Variants in CORO1C observed in about 807,000 individuals in gnomAD.
CORO1C encodes the protein coronin 1C.
A neutral mutation model predicts 51.2 loss-of-function variants in CORO1C; 14 were observed. The ratio of observed to expected loss-of-function variants is 0.27; its 90% CI spans 0.18 to 0.43. The LOEUF (loss-of-function observed/expected upper bound fraction) is 0.43, where lower values mean the gene tolerates loss of function less well. Among genes scored for constraint, CORO1C ranks in the 20% least tolerant of loss-of-function variants. The pLI, the probability that CORO1C is intolerant of heterozygous loss-of-function variation, is 1.00. For missense variants in CORO1C, 417 were observed against 607.8 expected, an observed-to-expected ratio of 0.69 and a Z score of 3.30; for synonymous variants, 181 against 210.5, an observed-to-expected ratio of 0.86 and a Z score of 1.21.
Position 108,648,814 on chromosome 12 carries a change from C to A in CORO1C, c.1096G>T (p.Ala366Ser), listed in dbSNP as rs758701110. Residue 366 changes from alanine to serine, a missense_variant, in exon 10 of 11, where the codon GCG (alanine) becomes TCG (serine). Coordinates refer to ENST00000261401, the MANE Select transcript of CORO1C (RefSeq NM_014325.4). ...GCCTCCAGCGCGGCCTCTGGCCCCG[C>A]TGTGTCAGGATACAGGTCATCTTGG... ...LFQDDLYPDTAGPEAALEAEE... is the reference protein window; with the variant it reads ...LFQDDLYPDTSGPEAALEAEE... The A allele has an allele frequency of 1.2e-6, 2 of 1,614,228 alleles. No individual in the cohort carries two copies. The highest frequency in any genetic ancestry group is 2.7e-5 in the African/African-American group (2 of 75,062).
chr12:108,689,667 G>A (rs539377717), intron 2 of CORO1C, among the ~76,000 whole-genome samples: 13 of 152,338 alleles, frequency 8.5e-5, no homozygotes, highest in South Asian at 2.1e-4. Flanking sequence ...TCCTGGGGAA[G>A]GCAAACAAAG....
chr12:108,665,362 GCAC>G (rs1201762379), intron 3 of CORO1C, among the ~76,000 whole-genome samples: 1 of 152,114 alleles, frequency 6.6e-6, no homozygotes, highest in Non-Finnish European at 1.5e-5. Context: ...CATAAGACAA[GCAC>G]CTAAGCCATT....
intron 3 of CORO1C, among the ~76,000 whole-genome samples, 166 bp from the exon 4 acceptor site, chr12:108,662,324 T>G (rs926767929): frequency 9.2e-5 from 14 of 152,082 alleles, no homozygotes; most frequent in African/African-American, 1.9e-4. Flanking sequence ...GCGGTTTTTT[T>G]TTTGTTTGTT....
chr12:108,665,197 T>C (rs1005209187), intron 3 of CORO1C, among the ~76,000 whole-genome samples: 1 of 152,234 alleles, frequency 6.6e-6, no homozygotes, highest in Non-Finnish European at 1.5e-5. Flanking sequence ...AACCTTTTCC[T>C]TTCTCTAGCT....
chr12:108,712,294 C>T lies in CORO1C; in HGVS notation c.-5-10971G>A, dbSNP rs547839323. The stretch of plus-strand genomic sequence containing the variant: ...AAATTCCTTTTAAGAAGATGGAGGC[C>T]GGGCAGGGCGGCTCACACCTGTAAA... On this transcript the variant is annotated intron_variant, in intron 1 of 10. Transcript: ENST00000261401. Among the ~76,000 whole-genome samples, 227 of 152,126 alleles carry T rather than the reference C, an allele frequency of 1.5e-3. 1 individual carries two copies. Among genetic ancestry groups the T allele is most frequent in the Non-Finnish European group, 1.5e-3 (103 of 67,994 alleles).
Position 108,715,642 on chromosome 12 carries a change from C to A in CORO1C, c.-5-14319G>T, listed in dbSNP as rs376683963. Among the ~76,000 whole-genome samples the A allele has an allele frequency of 5.4e-5, 8 of 147,592 alleles. No homozygotes were observed. In the East Asian group the frequency reaches 8.0e-4, roughly 15 times the overall value. Reference sequence around the variant, plus strand: ...ACCTGACCCGCCTCCTCCCTCCCCCCCTCCCCCCCGCATACTCACAACACT... The same window carrying A: ...ACCTGACCCGCCTCCTCCCTCCCCCACTCCCCCCCGCATACTCACAACACT... On this transcript the variant is annotated intron_variant, in intron 1 of 10. Coordinates refer to ENST00000261401, the MANE Select transcript of CORO1C (RefSeq NM_014325.4).
chr12:108,683,286 G>A (rs376840207), intron 2 of CORO1C, among the ~76,000 whole-genome samples: 4 of 152,068 alleles, frequency 2.6e-5, no homozygotes, highest in Non-Finnish European at 4.4e-5. Flanking sequence ...AGGCATGGTG[G>A]TGGGTGCCTG....
chr12:108,656,814 G>A (rs1291418977), intron 6 of CORO1C, among the ~76,000 whole-genome samples: 2 of 152,230 alleles, frequency 1.3e-5, no homozygotes, highest in East Asian at 1.9e-4. Context: ...TAAGGGCGGT[G>A]CAAGATGTGC....
chr12:108,647,635 T>A, intron 10 of CORO1C, 113 bp from the exon 11 acceptor site: 1 of 699,068 alleles, frequency 1.4e-6, no homozygotes, highest in Non-Finnish European at 2.3e-6. Flanking sequence ...CGGCAAGCCA[T>A]AGTCACCAAG....
intron 3 of CORO1C, among the ~76,000 whole-genome samples, chr12:108,676,609 T>C (rs753829758): frequency 1.3e-5 from 2 of 151,756 alleles, no homozygotes; most frequent in Non-Finnish European, 2.9e-5. Flanking sequence ...CCGTTTCTAC[T>C]AAAAACATAA....
In CORO1C at chr12:108,658,276, C is replaced by T. The variant is rs2033110883; in HGVS notation, c.630+462G>A. ...GGCCAGGCTGGTCTCAAACTCCTGA[C>T]CTCAAATGATCCACCCACCTCGGCC... On this transcript the variant is annotated intron_variant, in intron 5 of 10. Coordinates refer to ENST00000261401, the MANE Select transcript of CORO1C (RefSeq NM_014325.4). The surrounding 1 kb of genome is among the most constrained non-coding windows in gnomAD (Gnocchi z 4.9). Among the ~76,000 whole-genome samples, 2 of 152,070 alleles carry T rather than the reference C, an allele frequency of 1.3e-5. No individual in the cohort carries two copies. The highest frequency in any genetic ancestry group is 1.3e-4 in the Admixed American group (2 of 15,286).
intron 2 of CORO1C, among the ~76,000 whole-genome samples, chr12:108,691,279 A>C (rs1174479903): frequency 6.6e-6 from 1 of 152,130 alleles, no homozygotes; most frequent in Non-Finnish European, 1.5e-5. Context: ...GACTCAACTC[A>C]GGTCCCACCC....
chr12:108,658,645 C>T lies in CORO1C; in HGVS notation c.630+93G>A. On this transcript the variant is annotated intron_variant, in intron 5 of 10. Transcript: ENST00000261401. The surrounding 1 kb of genome is among the most constrained non-coding windows in gnomAD (Gnocchi z 4.9). ...TTGGTGTCTACACACAACAGGGTCC[C>T]ACTGACCAGTACCGCTGCCTGCCTT... 7.9e-7 allele frequency: 1 copy of T among 1,272,436 alleles called. No homozygotes were observed. The highest frequency in any genetic ancestry group is 1.1e-6 in the Non-Finnish European group (1 of 899,740). The allele number at this position is 1,272,436 out of a possible 1,614,324, so 78.8% of individuals were successfully genotyped here.
intron 3 of CORO1C, among the ~76,000 whole-genome samples, chr12:108,669,050 C>T (rs1005527943): frequency 8.5e-5 from 13 of 152,246 alleles, no homozygotes; most frequent in African/African-American, 3.1e-4. Flanking sequence ...AATGCTGTTT[C>T]ACAAAGTAGT....
At chr12:108,727,586 T>C (rs1287512082) in intron 1 of CORO1C, among the ~76,000 whole-genome samples, 2 of 152,228 alleles carry the variant, frequency 1.3e-5, no homozygotes, top group Non-Finnish European at 2.9e-5. Context: ...TGTTCCCTGA[T>C]GAATCCTTTT....
chr12:108,649,627 G>A (rs1013468732), intron 8 of CORO1C: 2 of 154,758 alleles, frequency 1.3e-5, no homozygotes, highest in Admixed American at 6.3e-5. Flanking sequence ...GGAGCAAAGA[G>A]CTCTGTAATG....
At chr12:108,648,410 A>C (rs1157064894) in intron 10 of CORO1C, among the ~76,000 whole-genome samples, 195 bp downstream of exon 10, 2 of 152,004 alleles carry the variant, frequency 1.3e-5, no homozygotes, top group Non-Finnish European at 2.9e-5. Context: ...AGGAGCTTTA[A>C]CTCCGTTAAA....
intron 1 of CORO1C, among the ~76,000 whole-genome samples, chr12:108,724,546 G>C (rs2136890155): frequency 6.6e-6 from 1 of 152,228 alleles, no homozygotes; most frequent in East Asian, 1.9e-4. Flanking sequence ...TCACACCCAG[G>C]CAGCTGGATT....
At chr12:108,704,863 G>C (rs2034981883) in intron 1 of CORO1C, among the ~76,000 whole-genome samples, 1 of 152,184 alleles carries the variant, frequency 6.6e-6, no homozygotes, top group African/African-American at 2.4e-5. Context: ...CCTGGCCGTG[G>C]TACAGTACAG....
Sources: gnomAD v4.1 joint callset for allele counts (sites outside exome capture counted in the v4.1 genomes callset) on GRCh38, gnomAD v4.1.1 for gene constraint, Gnocchi (gnomAD v3.1) non-coding constraint, MANE v1.5 for transcripts, NCBI Gene and HGNC (gene_info 2026-07-23, HGNC 2026-07-21) for gene names.